FKBP5: variants seen among roughly 807,000 people sequenced by gnomAD.
FKBP5 encodes peptidyl-prolyl cis-trans isomerase FKBP5.
Under a neutral mutation model 50.5 loss-of-function variants are expected in FKBP5, and 23 were observed. The ratio of observed to expected loss-of-function variants is 0.46; its 90% CI spans 0.33 to 0.65. FKBP5 has a LOEUF of 0.65. Ranked by LOEUF, FKBP5 falls within the 30% of genes least tolerant of loss-of-function variation. The pLI is 0.02. For synonymous variants in FKBP5, 176 were observed against 190.6 expected (o/e 0.92, Z 0.63); for missense variants, 411 against 553.1 (o/e 0.74, Z 2.58).
intron 3 of FKBP5, among the ~76,000 whole-genome samples, chr6:35,632,046 G>C (rs1262642308): frequency 3.9e-5 from 6 of 151,974 alleles, no homozygotes; most frequent in Non-Finnish European, 8.8e-5. Flanking sequence ...TATTTGCTGG[G>C]GGGAGTAGGG....
At chr6:35,664,289 GTT>G (rs11347868) in intron 1 of FKBP5, among the ~76,000 whole-genome samples, 1 of 148,234 alleles carries the variant, frequency 6.7e-6, no homozygotes, top group African/African-American at 2.5e-5. Context: ...AAAATTAGCT[GTT>G]TTTTTTTTAG....
intron 8 of FKBP5, chr6:35,581,400 G>A (rs1318648015): frequency 5.7e-6 from 1 of 175,800 alleles, no homozygotes; most frequent in South Asian, 1.8e-4. Context: ...GAGGTCAGGA[G>A]TTCGAGACCA....
intron 1 of FKBP5, among the ~76,000 whole-genome samples, chr6:35,721,293 A>G (rs1312307750): frequency 6.6e-6 from 1 of 152,002 alleles, no homozygotes; most frequent in East Asian, 1.9e-4. Context: ...TGGAGGTTGC[A>G]GTGAGCTGGG....
chr6:35,620,048 G>T, intron 4 of FKBP5, 84 bp downstream of exon 4: 1 of 1,512,400 alleles, frequency 6.6e-7, no homozygotes, highest in Non-Finnish European at 9.1e-7. Context: ...AGCAAGCTTA[G>T]CTCCTTTTCC....
chr6:35,681,746 T>C (rs577932735), intron 1 of FKBP5, among the ~76,000 whole-genome samples: 3 of 152,298 alleles, frequency 2.0e-5, no homozygotes, highest in Admixed American at 6.5e-5. Context: ...GCAGTATAGA[T>C]AGATACTGCT....
chr6:35,583,963 G>A (rs1428416317), intron 8 of FKBP5: 1 of 985,278 alleles, frequency 1.0e-6, no homozygotes, highest in East Asian at 1.1e-4. Flanking sequence ...CAACTAGTTT[G>A]TTTTAGAAAT....
intron 7 of FKBP5, 103 bp downstream of exon 7, chr6:35,591,027 A>T: frequency 1.5e-6 from 1 of 688,852 alleles, no homozygotes; most frequent in East Asian, 2.7e-5. Context: ...ATAATGAATA[A>T]ACACCATCTA....
In FKBP5 at chr6:35,664,791, G is replaced by T. The variant is rs562260467; in HGVS notation, c.-19-21948C>A. 13 of 154,170 alleles carry T rather than the reference G, an allele frequency of 8.4e-5. No homozygotes were observed. The South Asian group carries it at 2.2e-3, about 27-fold the overall frequency. 9.6% of individuals were successfully genotyped at this position (154,170 alleles called of 1,614,324 possible). ...AGAGGTAGTAGCTGAAATTAAAAGT[G>T]GCATAATTTCTCCCTCTTTCCTTCT... On this transcript the variant is annotated intron_variant, in intron 1 of 10. Transcript: ENST00000357266.
intron 5 of FKBP5, among the ~76,000 whole-genome samples, chr6:35,608,603 C>T (rs1763401409): frequency 6.6e-6 from 1 of 152,102 alleles, no homozygotes; most frequent in African/African-American, 2.4e-5. Flanking sequence ...GGGAGGATGG[C>T]TTGAGGGCAG....
At chr6:35,611,920 T>C (rs1763504043) in intron 5 of FKBP5, among the ~76,000 whole-genome samples, 1 of 152,240 alleles carries the variant, frequency 6.6e-6, no homozygotes, top group Non-Finnish European at 1.5e-5. Context: ...TAAAAACCTT[T>C]TTGAGTCCAT....
chr6:35,651,484 G>C (rs1764796698), intron 1 of FKBP5, among the ~76,000 whole-genome samples: 1 of 152,168 alleles, frequency 6.6e-6, no homozygotes, highest in Non-Finnish European at 1.5e-5. Flanking sequence ...GGTTATCAGA[G>C]ATAAGGCCTG....
At chr6:35,701,071 A>G (rs1766173428) in intron 2 of FKBP5, among the ~76,000 whole-genome samples, 1 of 152,198 alleles carries the variant, frequency 6.6e-6, no homozygotes, top group Non-Finnish European at 1.5e-5. Flanking sequence ...TATCCCAAAT[A>G]TTGCAGGAAC....
chr6:35,602,146 G>T (rs948266695), intron 5 of FKBP5, among the ~76,000 whole-genome samples: 1 of 149,932 alleles, frequency 6.7e-6, no homozygotes, highest in Admixed American at 6.7e-5. Flanking sequence ...TTTGTACTCC[G>T]ATTAAAATAG....
chr6:35,727,059 C>A (rs1348222717), intron 1 of FKBP5, among the ~76,000 whole-genome samples: 1 of 152,116 alleles, frequency 6.6e-6, no homozygotes, highest in Non-Finnish European at 1.5e-5. Context: ...TTCAAGGAAG[C>A]TTTATGAGCT....
intron 3 of FKBP5, among the ~76,000 whole-genome samples, chr6:35,636,207 T>C (rs991082525): frequency 6.6e-6 from 1 of 152,186 alleles, no homozygotes; most frequent in Non-Finnish European, 1.5e-5. Context: ...CAGAAAAGTC[T>C]TCGGAAGCTG....
intron 8 of FKBP5, chr6:35,585,340 C>T: frequency 3.1e-6 from 3 of 978,538 alleles, no homozygotes; most frequent in Non-Finnish European, 3.6e-6. Context: ...TGGAATCTTA[C>T]TTGAATAGTT....
intron 5 of FKBP5, among the ~76,000 whole-genome samples, chr6:35,606,509 A>G (rs1423983634): frequency 6.6e-6 from 1 of 151,650 alleles, no homozygotes; most frequent in Non-Finnish European, 1.5e-5. Flanking sequence ...TATTTTAAAA[A>G]ATTAGCCGGG....
rs1025826002 is a variant in FKBP5, at chr6:35,656,333, C to T, written c.-19-13490G>A. Among the ~76,000 whole-genome samples the T allele has an allele frequency of 5.3e-5, 8 of 152,224 alleles. No homozygotes were observed. The East Asian group carries it at 1.5e-3, about 29-fold the overall frequency. ...ACTCAGTTTTTCCATCTATACTTTT[C>T]GGGGGTTAGACTAGAATCATATCTA... On this transcript the variant is annotated intron_variant, in intron 1 of 10. Transcript: ENST00000357266.
At chr6:35,629,677 C>G (rs1002272448) in intron 3 of FKBP5, among the ~76,000 whole-genome samples, 1 of 152,110 alleles carries the variant, frequency 6.6e-6, no homozygotes, top group African/African-American at 2.4e-5. Flanking sequence ...ACACTGTACT[C>G]AAAAAGAGAA....
Sources: allele counts gnomAD v4.1 joint callset (sites outside exome capture counted in the v4.1 genomes callset), GRCh38; gene constraint gnomAD v4.1.1; transcripts MANE v1.5; gene names NCBI Gene and HGNC (gene_info 2026-07-23, HGNC 2026-07-21).